DNAJC1: variants seen among roughly 807,000 people sequenced by gnomAD.
DNAJC1 encodes the protein DnaJ heat shock protein family (Hsp40) member C1, also known as dnaJ homolog subfamily C member 1.
Under a neutral mutation model 76.6 loss-of-function variants are expected in DNAJC1, and 58 were observed. The observed-to-expected ratio is 0.76, with a 90% CI of 0.61 to 0.94. The LOEUF (loss-of-function observed/expected upper bound fraction) is 0.94, where lower values mean the gene tolerates loss of function less well. DNAJC1 is among the 40% of genes least tolerant of loss of function. The pLI, the probability that DNAJC1 is intolerant of heterozygous loss-of-function variation, is 0.00. For synonymous variants in DNAJC1, 258 were observed against 267.9 expected (o/e 0.96, Z 0.36); for missense variants, 689 against 677.3 (o/e 1.02, Z -0.19).
chr10:21,777,894 A>T (rs1261981214), intron 9 of DNAJC1, among the ~76,000 whole-genome samples: 1 of 152,216 alleles, frequency 6.6e-6, no homozygotes. Flanking sequence ...ACCTTGTAAA[A>T]TTGATATCAC....
intron 8 of DNAJC1, among the ~76,000 whole-genome samples, chr10:21,861,106 T>C (rs992424856): frequency 2.0e-5 from 3 of 152,162 alleles, no homozygotes; most frequent in South Asian, 2.1e-4. Context: ...GACTTCAACA[T>C]GAATTTTGAG....
At chr10:21,862,986 G>A (rs978185427) in intron 8 of DNAJC1, among the ~76,000 whole-genome samples, 2 of 152,040 alleles carry the variant, frequency 1.3e-5, no homozygotes, top group South Asian at 2.1e-4. Context: ...TACAAAATTA[G>A]CAAGGCATGG....
At chr10:21,915,977 TA>T (rs1272233677) in intron 6 of DNAJC1, among the ~76,000 whole-genome samples, 6 of 151,590 alleles carry the variant, frequency 4.0e-5, no homozygotes, top group Non-Finnish European at 8.8e-5. Flanking sequence ...ACCCTGTCTC[TA>T]AAAAATAAAA....
chr10:21,814,867 C>T (rs1835050174), intron 8 of DNAJC1, among the ~76,000 whole-genome samples: 1 of 152,188 alleles, frequency 6.6e-6, no homozygotes, highest in African/African-American at 2.4e-5. Context: ...GTACGTAAAT[C>T]TATGCAGTCA....
intron 7 of DNAJC1, among the ~76,000 whole-genome samples, chr10:21,887,379 A>G (rs535642541): frequency 6.6e-6 from 1 of 152,214 alleles, no homozygotes; most frequent in South Asian, 2.1e-4. Flanking sequence ...ACAGAACTAG[A>G]CAAAACTATT....
At chr10:21,850,834 A>T (rs1280600463) in intron 8 of DNAJC1, among the ~76,000 whole-genome samples, 1 of 152,182 alleles carries the variant, frequency 6.6e-6, no homozygotes, top group East Asian at 1.9e-4. Flanking sequence ...CACATAGAAC[A>T]AGAGAAAAGA....
chr10:21,958,285 T>C (rs530683789), intron 1 of DNAJC1, among the ~76,000 whole-genome samples: 1 of 152,206 alleles, frequency 6.6e-6, no homozygotes, highest in South Asian at 2.1e-4. Flanking sequence ...TATTTAAGTA[T>C]AATTTACAAA....
At chr10:21,962,262 A>G (rs1338983525) in intron 1 of DNAJC1, among the ~76,000 whole-genome samples, 4 of 152,112 alleles carry the variant, frequency 2.6e-5, no homozygotes, top group Admixed American at 6.6e-5. Flanking sequence ...TGCCAGGCAC[A>G]TAGTAAGCAA....
At chr10:21,875,745 C>G (rs1351234319) in intron 8 of DNAJC1, among the ~76,000 whole-genome samples, 2 of 152,004 alleles carry the variant, frequency 1.3e-5, no homozygotes, top group South Asian at 2.1e-4. Context: ...GCCAACATGA[C>G]GAAACCCCAT....
At chr10:21,920,406 TTTTA>T (rs1362269681) in intron 4 of DNAJC1, among the ~76,000 whole-genome samples, 23 of 152,200 alleles carry the variant, frequency 1.5e-4, no homozygotes, top group African/African-American at 4.3e-4. Flanking sequence ...TCATTTCCAA[TTTTA>T]TTTATTTACC....
At chr10:21,983,823 T>C (rs1353654666) in intron 1 of DNAJC1, among the ~76,000 whole-genome samples, 5 of 151,974 alleles carry the variant, frequency 3.3e-5, no homozygotes, top group Non-Finnish European at 7.4e-5. Context: ...CTGTTTGGGA[T>C]GACGGAAAAG....
chr10:21,992,541 A>G (rs1838343381), intron 1 of DNAJC1, among the ~76,000 whole-genome samples: 1 of 152,038 alleles, frequency 6.6e-6, no homozygotes, highest in South Asian at 2.1e-4. Flanking sequence ...CAACAGAGCA[A>G]GACTCCATTT....
At chr10:21,914,138 T>C (rs1415802887) in intron 6 of DNAJC1, among the ~76,000 whole-genome samples, 1 of 152,244 alleles carries the variant, frequency 6.6e-6, no homozygotes, top group Non-Finnish European at 1.5e-5. Context: ...TGACTAAATA[T>C]AGAAATATCC....
At chr10:21,898,082 C>A (rs969065043) in intron 7 of DNAJC1, among the ~76,000 whole-genome samples, 1 of 152,030 alleles carries the variant, frequency 6.6e-6, no homozygotes, top group Admixed American at 6.6e-5. Flanking sequence ...AGTGAACATG[C>A]GGAAACTGAA....
chr10:21,924,129 A>C (rs1837081978), intron 3 of DNAJC1, among the ~76,000 whole-genome samples: 4 of 152,036 alleles, frequency 2.6e-5, no homozygotes, highest in Non-Finnish European at 4.4e-5. Flanking sequence ...AATTGCTGTC[A>C]TTCTTCTTTG....
chr10:21,990,293 G>A (rs1212983566), intron 1 of DNAJC1, among the ~76,000 whole-genome samples: 1 of 152,078 alleles, frequency 6.6e-6, no homozygotes, highest in Admixed American at 6.6e-5. Flanking sequence ...AACTATGGTG[G>A]CTTGCATCTT....
chr10:21,873,283 G>C (rs1836134149), intron 8 of DNAJC1, among the ~76,000 whole-genome samples: 1 of 152,106 alleles, frequency 6.6e-6, no homozygotes, highest in African/African-American at 2.4e-5. Flanking sequence ...AGGGGTTCTT[G>C]CCTGCGGCTC....
At chr10:21,895,918 C>T (rs994641186) in intron 7 of DNAJC1, among the ~76,000 whole-genome samples, 2 of 152,170 alleles carry the variant, frequency 1.3e-5, no homozygotes, top group Non-Finnish European at 2.9e-5. Context: ...CCTCAGTCAC[C>T]TCAGGTACAG....
intron 7 of DNAJC1, among the ~76,000 whole-genome samples, chr10:21,888,948 C>T (rs1836413432): frequency 6.6e-6 from 1 of 151,972 alleles, no homozygotes; most frequent in Non-Finnish European, 1.5e-5. Context: ...ACATGTTCCC[C>T]TGAACCTGAA....
Sources: gnomAD v4.1 joint callset for allele counts (sites outside exome capture counted in the v4.1 genomes callset) on GRCh38, gnomAD v4.1.1 for gene constraint, MANE v1.5 for transcripts, NCBI Gene and HGNC (gene_info 2026-07-23, HGNC 2026-07-21) for gene names.